Variants in ADAMTS3 observed in about 807,000 individuals in gnomAD.
ADAMTS3 encodes A disintegrin and metalloproteinase with thrombospondin motifs 3.
ADAMTS3 carries 73 observed loss-of-function variants against 129.0 expected under a neutral mutation model. That is an observed-to-expected ratio of 0.57 (90% CI 0.47 to 0.69). The LOEUF is 0.69. Among genes scored for constraint, ADAMTS3 ranks in the 30% least tolerant of loss-of-function variants. The probability of loss-of-function intolerance (pLI) is 0.00; values close to 1 mark genes in which losing one functional copy is unlikely to be tolerated. For synonymous variants in ADAMTS3, 477 were observed against 510.8 expected, an observed-to-expected ratio of 0.93 and a Z score of 0.89; for missense variants, 1,457 against 1,514.5, an observed-to-expected ratio of 0.96 and a Z score of 0.63.
intron 4 of ADAMTS3, among the ~76,000 whole-genome samples, chr4:72,375,498 G>A (rs910243211): frequency 9.9e-5 from 15 of 152,262 alleles, no homozygotes; most frequent in African/African-American, 3.6e-4. Flanking sequence ...GCTGTGATGA[G>A]TGCTGGGAAG....
intron 3 of ADAMTS3, among the ~76,000 whole-genome samples, chr4:72,524,621 G>C (rs788944): frequency 1 from 151,363 of 152,110 alleles, 75,314 homozygotes; most frequent in Middle Eastern, 1. Flanking sequence ...TGATTTTATA[G>C]CCGGTATGTG....
At chr4:72,457,442 A>G (rs570434572) in intron 3 of ADAMTS3, among the ~76,000 whole-genome samples, 2 of 151,816 alleles carry the variant, frequency 1.3e-5, no homozygotes, top group South Asian at 4.2e-4. Context: ...ATATTACATG[A>G]TTCTTTGAAC....
chr4:72,382,869 C>G (rs938024241), intron 4 of ADAMTS3, among the ~76,000 whole-genome samples: 3 of 152,024 alleles, frequency 2.0e-5, no homozygotes, highest in African/African-American at 7.2e-5. Flanking sequence ...CTGGAAACTA[C>G]AAAAGTGGGG....
chr4:72,297,195 T>TG (rs1380002557), intron 18 of ADAMTS3, among the ~76,000 whole-genome samples: 1 of 152,074 alleles, frequency 6.6e-6, no homozygotes, highest in Non-Finnish European at 1.5e-5. Context: ...AAAAGGCTAT[T>TG]GCAATAATCG....
chr4:72,422,123 A>C (rs1463597688), intron 3 of ADAMTS3, among the ~76,000 whole-genome samples: 1 of 152,192 alleles, frequency 6.6e-6, no homozygotes, highest in Admixed American at 6.5e-5. Flanking sequence ...AAGTGTGCAT[A>C]AAATTCTAAG....
At position 72,529,949 on chromosome 4, in the gene ADAMTS3, TA is replaced by T. The variant is rs1303114465; in HGVS notation, c.504+18528del. On this transcript the variant is annotated intron_variant, in intron 3 of 21. Transcript: ENST00000286657. ...TTATATAATATATTATATTTATATA[TA>T]ATATATAATATATTATATTTATATA... 1.2e-3 allele frequency among the ~76,000 whole-genome samples: 17 copies of T among 14,326 alleles called. 1 individual carries two copies. The highest frequency in any genetic ancestry group is 3.6e-3 in the African/African-American group (13 of 3,578). The allele number at this position is 14,326 out of a possible 152,430, so 9.4% of individuals were successfully genotyped here.
intron 3 of ADAMTS3, among the ~76,000 whole-genome samples, chr4:72,466,758 T>A (rs1344663832): frequency 1.3e-5 from 2 of 152,046 alleles, no homozygotes; most frequent in African/African-American, 2.4e-5. Context: ...TTTTATCATT[T>A]CCATTTATAC....
chr4:72,328,105 G>A (rs1158993323), intron 5 of ADAMTS3, among the ~76,000 whole-genome samples: 1 of 152,196 alleles, frequency 6.6e-6, no homozygotes, highest in Non-Finnish European at 1.5e-5. Flanking sequence ...AAAACACTGA[G>A]TATCTTTTCA....
At chr4:72,394,986 ACGAT>A (rs1410339412) in intron 4 of ADAMTS3, among the ~76,000 whole-genome samples, 1 of 150,848 alleles carries the variant, frequency 6.6e-6, no homozygotes, top group East Asian at 2.0e-4. Context: ...GTGCAGTGGC[ACGAT>A]CTCGACTCAC....
chr4:72,542,489 C>T (rs570472962), intron 3 of ADAMTS3, among the ~76,000 whole-genome samples: 1 of 152,236 alleles, frequency 6.6e-6, no homozygotes, highest in Non-Finnish European at 1.5e-5. Flanking sequence ...TTATTGTTAT[C>T]GTTGTCAATC....
intron 3 of ADAMTS3, among the ~76,000 whole-genome samples, chr4:72,429,912 T>C (rs970551847): frequency 2.0e-5 from 3 of 152,034 alleles, no homozygotes; most frequent in African/African-American, 7.2e-5. Flanking sequence ...ATAAATCACC[T>C]GGAGACCTTG....
At chr4:72,531,627 A>G (rs1721044572) in intron 3 of ADAMTS3, among the ~76,000 whole-genome samples, 2 of 152,190 alleles carry the variant, frequency 1.3e-5, no homozygotes, top group African/African-American at 2.4e-5. Context: ...GCGCAGGACA[A>G]CTGAAGATCT....
At chr4:72,529,951 A>ATATATATTATAAATAT (rs1560553244) in intron 3 of ADAMTS3, among the ~76,000 whole-genome samples, 6 of 14,888 alleles carry the variant, frequency 4.0e-4, no homozygotes, top group Non-Finnish European at 5.3e-4. Flanking sequence ...TTTATATATA[A>ATATATATTATAAATAT]TATATAATAT....
At chr4:72,370,423 G>A (rs1475392889) in intron 4 of ADAMTS3, among the ~76,000 whole-genome samples, 1 of 151,842 alleles carries the variant, frequency 6.6e-6, no homozygotes, top group Non-Finnish European at 1.5e-5. Context: ...ATATCAATCT[G>A]CTTATTGTAT....
At chr4:72,423,618 A>T (rs1365810401) in intron 3 of ADAMTS3, among the ~76,000 whole-genome samples, 1 of 151,988 alleles carries the variant, frequency 6.6e-6, no homozygotes. Context: ...CAAGTTTGTT[A>T]CATATGTATA....
chr4:72,320,153 G>C (rs1719515827), intron 7 of ADAMTS3, among the ~76,000 whole-genome samples, 190 bp from the exon 8 acceptor site: 1 of 152,144 alleles, frequency 6.6e-6, no homozygotes, highest in Admixed American at 6.6e-5. Context: ...AAGGTTCACT[G>C]GGTCTGCATT....
intron 20 of ADAMTS3, among the ~76,000 whole-genome samples, chr4:72,290,522 G>T (rs1402942846): frequency 6.6e-6 from 1 of 152,122 alleles, no homozygotes; most frequent in African/African-American, 2.4e-5. Context: ...AATAAGAGGA[G>T]TTAGTGCAGT....
At chr4:72,366,498 G>A (rs1465897472) in intron 4 of ADAMTS3, among the ~76,000 whole-genome samples, 1 of 152,166 alleles carries the variant, frequency 6.6e-6, no homozygotes, top group East Asian at 1.9e-4. Context: ...ATGGAGATGT[G>A]ATTATTTGTT....
intron 3 of ADAMTS3, among the ~76,000 whole-genome samples, chr4:72,482,538 G>T (rs997981272): frequency 6.6e-6 from 1 of 152,052 alleles, no homozygotes; most frequent in African/African-American, 2.4e-5. Flanking sequence ...AGTGGTCATG[G>T]CTATAAAAGG....
Sources: allele counts gnomAD v4.1 joint callset (sites outside exome capture counted in the v4.1 genomes callset), GRCh38; gene constraint gnomAD v4.1.1; transcripts MANE v1.5; gene names NCBI Gene and HGNC (gene_info 2026-07-23, HGNC 2026-07-21).